Variants in SLC35B4 observed in about 807,000 individuals in gnomAD.
SLC35B4 encodes the protein nucleotide sugar transporter SLC35B4.
SLC35B4 carries 28 observed loss-of-function variants against 39.5 expected under a neutral mutation model. The ratio of observed to expected loss-of-function variants is 0.71; its 90% CI spans 0.53 to 0.97. The LOEUF is 0.97. Among genes scored for constraint, SLC35B4 ranks in the 50% least tolerant of loss-of-function variants. The pLI, the probability that SLC35B4 is intolerant of heterozygous loss-of-function variation, is 0.00. For missense variants in SLC35B4, 334 were observed against 414.3 expected (o/e 0.81, Z 1.68); for synonymous variants, 145 against 150.4 (o/e 0.96, Z 0.26).
intron 1 of SLC35B4, among the ~76,000 whole-genome samples, chr7:134,310,322 T>C (rs1328356904): frequency 6.6e-6 from 1 of 152,282 alleles, no homozygotes; most frequent in African/African-American, 2.4e-5. Flanking sequence ...ACAGTGATTG[T>C]TAGGAACAAA....
Position 134,294,294 on chromosome 7 carries a change from G to A in SLC35B4, c.*539C>T, listed in dbSNP as rs142509479. 1,126 of 153,738 alleles carry A rather than the reference G, an allele frequency of 7.3e-3. 7 individuals are homozygous for A. Among genetic ancestry groups the A allele is most frequent in the Middle Eastern group, 0.014 (4 of 296 alleles). 9.5% of individuals were successfully genotyped at this position (153,738 alleles called of 1,614,324 possible). ...GGAACATCTCTTTCCTTCCCAAAAC[G>A]CTGGAGGAAGTCCAGCCCTGCTGTT... On this transcript the variant is annotated 3_prime_UTR_variant, in exon 10 of 10. Transcript: ENST00000378509.
At chr7:134,300,065 C>A in intron 7 of SLC35B4, 87 bp downstream of exon 7, 4 of 979,322 alleles carry the variant, frequency 4.1e-6, no homozygotes, top group Non-Finnish European at 6.1e-6. Context: ...ACACCTTCAA[C>A]TACATCAGAG....
rs534900357 is a variant in SLC35B4, at chr7:134,292,809, T to C, written c.*2024A>G. 1.3e-5 allele frequency: 2 copies of C among 152,316 alleles called. No homozygotes were observed. Among genetic ancestry groups the C allele is most frequent in the Admixed American group, 1.3e-4 (2 of 15,298 alleles). The allele number at this position is 152,316 out of a possible 1,614,324, so 9.4% of individuals were successfully genotyped here. A position where few individuals can be genotyped will look rare whatever the true frequency, so the allele number is the denominator to read the frequency against. On this transcript the variant is annotated 3_prime_UTR_variant, in exon 10 of 10. Transcript: ENST00000378509. Reference sequence around the variant, plus strand: ...AGTGGCTTTTGATCCTATGAATAGGTTCACTTCTAATTCAGCATCCTTCAG... The same window carrying C: ...AGTGGCTTTTGATCCTATGAATAGGCTCACTTCTAATTCAGCATCCTTCAG...
At position 134,304,862 on chromosome 7, in the gene SLC35B4, A is replaced by G; in HGVS notation, c.295-8T>C. 1 of 1,611,464 alleles carries G rather than the reference A, an allele frequency of 6.2e-7. No individual in the cohort carries two copies. Among genetic ancestry groups the G allele is most frequent in the Non-Finnish European group, 8.5e-7 (1 of 1,177,684 alleles). On this transcript the variant is annotated splice_polypyrimidine_tract_variant and splice_region_variant and intron_variant, in intron 3 of 9. Transcript: ENST00000378509. ...GTTGGCAATTAGAGAACCCTGCAAA[A>G]GGAGACAACAGTAACAGAGAGGTTT...
intron 2 of SLC35B4, 73 bp from the exon 3 acceptor site, chr7:134,306,847 T>C: frequency 7.5e-7 from 1 of 1,337,004 alleles, no homozygotes. Flanking sequence ...GAAATATATA[T>C]TTTTGGCTAA....
intron 1 of SLC35B4, among the ~76,000 whole-genome samples, chr7:134,314,180 T>A (rs1355429887): frequency 6.6e-6 from 1 of 152,200 alleles, no homozygotes; most frequent in Non-Finnish European, 1.5e-5. Context: ...TATATCTTTC[T>A]TTTATATATT....
intron 3 of SLC35B4, among the ~76,000 whole-genome samples, chr7:134,305,590 A>G (rs1803688887): frequency 6.6e-6 from 1 of 152,136 alleles, no homozygotes; most frequent in Non-Finnish European, 1.5e-5. Context: ...TCACAGACTT[A>G]TTTTTGTCAA....
rs150409533 is a variant in SLC35B4 at position 134,292,254 on chromosome 7, G to C, written c.*2579C>G. ...AAAAAATCAGTTAACCAAGGGGAAC[G>C]TATTTTTTTTTTAAAGAGTAGTTTT... On this transcript the variant is annotated 3_prime_UTR_variant, in exon 10 of 10. Transcript: ENST00000378509. The C allele has an allele frequency of 6.5e-6, 1 of 153,624 alleles. No homozygotes were observed. The highest frequency in any genetic ancestry group is 2.4e-5 in the African/African-American group (1 of 41,474). The allele number at this position is 153,624 out of a possible 1,614,324, so 9.5% of individuals were successfully genotyped here.
intron 8 of SLC35B4, 132 bp downstream of exon 8, chr7:134,299,391 A>T (rs1803530307): frequency 1.8e-6 from 1 of 558,456 alleles, no homozygotes; most frequent in African/African-American, 1.9e-5. Flanking sequence ...TGGAAAGTGG[A>T]ATGGAGACAT....
At chr7:134,316,603 CGG>C in intron 1 of SLC35B4, 70 bp downstream of exon 1, 1 of 1,493,944 alleles carries the variant, frequency 6.7e-7, no homozygotes, top group Non-Finnish European at 9.1e-7. Flanking sequence ...GGGCGCGTCC[CGG>C]GGGGACCTCT....
rs1205054964 is a variant in SLC35B4, at chr7:134,293,577, G to T, written c.*1256C>A. 1 of 152,128 alleles carries T rather than the reference G, an allele frequency of 6.6e-6. No homozygotes were observed. The highest frequency in any genetic ancestry group is 1.5e-5 in the Non-Finnish European group (1 of 68,044). The allele number at this position is 152,128 out of a possible 1,614,324, so 9.4% of individuals were successfully genotyped here. On this transcript the variant is annotated 3_prime_UTR_variant, in exon 10 of 10. Transcript: ENST00000378509. ...ATCTCCATCTATGCATTCCCTTGAT[G>T]GGTCGTGACTCTTAACAGAGTCATC...
intron 1 of SLC35B4, among the ~76,000 whole-genome samples, chr7:134,310,719 G>GT (rs947622048): frequency 8.6e-5 from 13 of 151,036 alleles, no homozygotes; most frequent in Admixed American, 4.6e-4. Context: ...TAATTTTTTT[G>GT]TTTTTTTTCA....
Position 134,294,916 on chromosome 7 carries a change from T to G in SLC35B4, c.913A>C (p.Ile305Leu). 6.2e-7 allele frequency: 1 copy of G among 1,614,106 alleles called. No individual in the cohort carries two copies. The highest frequency in any genetic ancestry group is 8.5e-7 in the Non-Finnish European group (1 of 1,180,016). The change falls in exon 10 of 10, where the codon ATT (isoleucine) becomes CTT (leucine). Residue 305 changes from isoleucine (I) to leucine (L), a missense_variant. Coordinates refer to ENST00000378509, the MANE Select transcript of SLC35B4 (RefSeq NM_032826.5). ...ACCTCTGTGTACATTAAGGTCCCAA[T>G]GAAGACAAACAAGGTGCCCAGCCAG... ...WHWLGTLFVF[I>L]GTLMYTEVWN...
chr7:134,290,532 T>C lies in SLC35B4; in HGVS notation c.*4301A>G, dbSNP rs1220458131. 1 of 152,204 alleles carries C rather than the reference T, an allele frequency of 6.6e-6. No homozygotes were observed. The highest frequency in any genetic ancestry group is 1.5e-5 in the Non-Finnish European group (1 of 68,050). The allele number at this position is 152,204 out of a possible 1,614,324, so 9.4% of individuals were successfully genotyped here. On this transcript the variant is annotated 3_prime_UTR_variant, in exon 10 of 10. Coordinates refer to ENST00000378509, the MANE Select transcript of SLC35B4 (RefSeq NM_032826.5). ...CCTGGAATGTCTACTAGGAAGAAGC[T>C]GCTAGAAAAAGACAACATGCTACTT... is the stretch of plus-strand genomic sequence containing the variant.
intron 1 of SLC35B4, among the ~76,000 whole-genome samples, chr7:134,312,836 G>A (rs149027550): frequency 6.6e-6 from 1 of 152,130 alleles, no homozygotes; most frequent in East Asian, 1.9e-4. Context: ...TGGCATTTGC[G>A]GTTACCCTTA....
rs1233225849 is a variant in SLC35B4, at chr7:134,315,681, C to T, written c.77+994G>A. Among the ~76,000 whole-genome samples, 6 of 151,784 alleles carry T rather than the reference C, an allele frequency of 4.0e-5. No individual in the cohort carries two copies. The East Asian group carries it at 9.6e-4, about 24-fold the overall frequency. Reference sequence around the variant, plus strand: ...AAAACAAAAAACACCAAATAACACCCGTTCCCAAGCATTTCAAATGAAGGA... The same window carrying T: ...AAAACAAAAAACACCAAATAACACCTGTTCCCAAGCATTTCAAATGAAGGA... On this transcript the variant is annotated intron_variant, in intron 1 of 9. Transcript: ENST00000378509.
At position 134,309,429 on chromosome 7, in the gene SLC35B4, A is replaced by C; in HGVS notation, c.128T>G (p.Ile43Ser). Reference sequence around the variant, plus strand: ...TTCAAAGAGGAAGCCTTCCACAGCAATAAATAAAAATTGTGCAAATGTCAC... The same window carrying C: ...TTCAAAGAGGAAGCCTTCCACAGCACTAAATAAAAATTGTGCAAATGTCAC... Reference protein sequence around the residue: ...NIVTFAQFLFIAVEGFLFEAD... With the variant: ...NIVTFAQFLFSAVEGFLFEAD... Residue 43 changes from isoleucine to serine, a missense_variant, in exon 2 of 10, where the codon ATT becomes AGT. Ile to Ser is a moderately radical substitution (Grantham distance 142, BLOSUM62 -2). Coordinates refer to ENST00000378509, the MANE Select transcript of SLC35B4 (RefSeq NM_032826.5). 1.2e-6 allele frequency: 2 copies of C among 1,611,760 alleles called. No individual in the cohort carries two copies. Among genetic ancestry groups the C allele is most frequent in the Non-Finnish European group, 1.7e-6 (2 of 1,179,666 alleles).
rs116645549 is a variant in SLC35B4 at position 134,310,127 on chromosome 7, G to A, written c.78-648C>T. Among the ~76,000 whole-genome samples, 120 of 152,264 alleles carry A rather than the reference G, an allele frequency of 7.9e-4. 1 individual carries two copies. The highest frequency in any genetic ancestry group is 2.5e-3 in the African/African-American group (103 of 41,542). On this transcript the variant is annotated intron_variant, in intron 1 of 9. Transcript: ENST00000378509. ...GCAGGGGAGGGATTAAGAAAACAAC[G>A]TCTAAAAAGTATTCTGGAGGAGGCA...
upstream of SLC35B4, among the ~76,000 whole-genome samples, chr7:134,318,116 C>T (rs1337022987): frequency 3.3e-5 from 5 of 152,178 alleles, no homozygotes; most frequent in Non-Finnish European, 5.9e-5. Flanking sequence ...TTTCCCAGTC[C>T]GTGACTGGGA....
Sources: allele counts gnomAD v4.1 joint callset (sites outside exome capture counted in the v4.1 genomes callset), GRCh38; gene constraint gnomAD v4.1.1; transcripts MANE v1.5; gene names NCBI Gene and HGNC (gene_info 2026-07-23, HGNC 2026-07-21).